RAPGEF4: variants seen among roughly 807,000 people sequenced by gnomAD.
RAPGEF4 encodes the protein RAP guanine-nucleotide-exchange factor (GEF) 4.
A neutral mutation model predicts 147.9 loss-of-function variants in RAPGEF4; 66 were observed. That is an observed-to-expected ratio of 0.45 (90% confidence interval 0.37 to 0.55). RAPGEF4 has a LOEUF of 0.55. RAPGEF4 is among the 20% of genes least tolerant of loss of function. The pLI, the probability that RAPGEF4 is intolerant of heterozygous loss-of-function variation, is 0.00. For synonymous variants in RAPGEF4, 419 were observed against 442.7 expected, an observed-to-expected ratio of 0.95 and a Z score of 0.67; for missense variants, 1,071 against 1,257.3, an observed-to-expected ratio of 0.85 and a Z score of 2.24.
intron 10 of RAPGEF4, among the ~76,000 whole-genome samples, chr2:172,978,987 T>A: frequency 6.6e-6 from 1 of 152,224 alleles, no homozygotes; most frequent in Non-Finnish European, 1.5e-5. Flanking sequence ...CCCGCTGATC[T>A]CAACATAGGT....
At chr2:172,903,103 T>C (rs1357304009) in intron 4 of RAPGEF4, among the ~76,000 whole-genome samples, 2 of 152,090 alleles carry the variant, frequency 1.3e-5, no homozygotes, top group Non-Finnish European at 2.9e-5. Flanking sequence ...GTGCGGTGGC[T>C]CAAGCCTGTA....
chr2:172,930,280 A>G (rs541979600), intron 6 of RAPGEF4, among the ~76,000 whole-genome samples: 2 of 152,342 alleles, frequency 1.3e-5, no homozygotes, highest in South Asian at 2.1e-4. Context: ...CTTCCAAGCC[A>G]TAGGCATTCC....
intron 29 of RAPGEF4, 123 bp downstream of exon 29, chr2:173,036,815 G>A: frequency 1.7e-6 from 1 of 601,010 alleles, no homozygotes; most frequent in Non-Finnish European, 2.8e-6. Context: ...ACATAAAGGA[G>A]TTTTGAAATA....
In RAPGEF4 at chr2:173,027,220, G is replaced by A; in HGVS notation, c.2519G>A (p.Arg840His). 1.2e-6 allele frequency: 2 copies of A among 1,603,506 alleles called. No individual in the cohort carries two copies. The highest frequency in any genetic ancestry group is 1.7e-6 in the Non-Finnish European group (2 of 1,177,386). Reference sequence around the variant, plus strand: ...TGCCTTTGTTCTCAGCTCAGCAAGCGTGTTCAGCTATTAAAAAAATTTATT... The same window carrying A: ...TGCCTTTGTTCTCAGCTCAGCAAGCATGTTCAGCTATTAAAAAAATTTATT... ...EICLCSQLSKRVQLLKKFIKI... is the reference protein window; with the variant it reads ...EICLCSQLSKHVQLLKKFIKI... The change falls in exon 25 of 31, where the codon CGT (arginine) becomes CAT (histidine). Residue 840 changes from arginine to histidine, a missense_variant. By Grantham distance (29) the Arg-to-His change is conservative (BLOSUM62 0). Coordinates refer to ENST00000397081, the MANE Select transcript of RAPGEF4 (RefSeq NM_007023.4).
At chr2:172,824,847 A>T (rs181386442) in intron 4 of RAPGEF4, among the ~76,000 whole-genome samples, 3 of 152,332 alleles carry the variant, frequency 2.0e-5, no homozygotes, top group Admixed American at 2.0e-4. Flanking sequence ...GAATTCTTGG[A>T]TCCCCTAGGA....
intron 3 of RAPGEF4, among the ~76,000 whole-genome samples, chr2:172,814,051 G>T (rs2149603163): frequency 6.6e-6 from 1 of 152,302 alleles, no homozygotes; most frequent in Non-Finnish European, 1.5e-5. Context: ...CAAGTTATCT[G>T]AGTGTCTTGC....
intron 3 of RAPGEF4, among the ~76,000 whole-genome samples, 184 bp downstream of exon 3, chr2:172,797,797 C>G (rs1686534320): frequency 6.6e-6 from 1 of 152,072 alleles, no homozygotes; most frequent in Non-Finnish European, 1.5e-5. Flanking sequence ...GAATGTCTTC[C>G]CTGATTTGAG....
chr2:172,862,369 A>C (rs1694142086), intron 4 of RAPGEF4, among the ~76,000 whole-genome samples: 1 of 152,182 alleles, frequency 6.6e-6, no homozygotes, highest in Non-Finnish European at 1.5e-5. Context: ...TCCTATGACT[A>C]AATAGTACAA....
At chr2:172,993,671 G>A (rs2592942) in intron 15 of RAPGEF4, among the ~76,000 whole-genome samples, 54,366 of 151,896 alleles carry the variant, frequency 0.36, 10,732 homozygotes, top group East Asian at 0.79. Context: ...GTGGACAGTG[G>A]GAAACAAAGC....
intron 12 of RAPGEF4, among the ~76,000 whole-genome samples, chr2:172,987,322 T>TAAAAAAG (rs1299659108): frequency 1.3e-5 from 2 of 152,018 alleles, no homozygotes; most frequent in East Asian, 1.9e-4. Flanking sequence ...AAATAAAAAA[T>TAAAAAAG]AAATTATACA....
intron 4 of RAPGEF4, chr2:172,860,251 A>C: frequency 1.0e-6 from 1 of 985,376 alleles, no homozygotes. Context: ...AAAAACTAGA[A>C]TGTACCCCTA....
chr2:172,953,092 T>C (rs1419238558), intron 6 of RAPGEF4, among the ~76,000 whole-genome samples: 1 of 152,046 alleles, frequency 6.6e-6, no homozygotes, highest in Non-Finnish European at 1.5e-5. Context: ...CAGTCTCTTC[T>C]TACTGTCAGA....
chr2:173,013,154 T>C (rs1695183386), intron 17 of RAPGEF4, among the ~76,000 whole-genome samples: 1 of 152,234 alleles, frequency 6.6e-6, no homozygotes, highest in African/African-American at 2.4e-5. Flanking sequence ...CATGATTATT[T>C]ATAGTCCTTT....
intron 26 of RAPGEF4, among the ~76,000 whole-genome samples, chr2:173,032,025 A>G (rs1045978690): frequency 6.6e-6 from 1 of 152,152 alleles, no homozygotes; most frequent in Non-Finnish European, 1.5e-5. Flanking sequence ...CACGTGTGGA[A>G]CAGCCACGGA....
chr2:173,002,557 C>G (rs1694034340), intron 17 of RAPGEF4, among the ~76,000 whole-genome samples: 1 of 151,732 alleles, frequency 6.6e-6, no homozygotes, highest in African/African-American at 2.4e-5. Context: ...AATTTAGACC[C>G]CAAATCACTT....
At chr2:172,793,536 C>G (rs981149062) in intron 1 of RAPGEF4, among the ~76,000 whole-genome samples, 12 of 152,196 alleles carry the variant, frequency 7.9e-5, no homozygotes, top group African/African-American at 2.7e-4. Flanking sequence ...CATTACTTGT[C>G]TCTGTCACAT....
At chr2:172,739,453 C>A (rs1694113578) in intron 1 of RAPGEF4, among the ~76,000 whole-genome samples, 1 of 151,922 alleles carries the variant, frequency 6.6e-6, no homozygotes, top group Non-Finnish European at 1.5e-5. Flanking sequence ...CTCACTGCAA[C>A]CTCCCCCTCC....
intron 4 of RAPGEF4, among the ~76,000 whole-genome samples, chr2:172,821,327 C>T (rs1468938547): frequency 1.3e-5 from 2 of 152,172 alleles, no homozygotes; most frequent in Admixed American, 6.5e-5. Flanking sequence ...GCACGGGGAC[C>T]GAGACCCATA....
At chr2:172,893,129 G>A (rs1250510337) in intron 4 of RAPGEF4, among the ~76,000 whole-genome samples, 1 of 152,214 alleles carries the variant, frequency 6.6e-6, no homozygotes, top group Non-Finnish European at 1.5e-5. Context: ...AAAGAGAAAC[G>A]ATGCTAGAAA....
Sources: gnomAD v4.1 joint callset for allele counts (sites outside exome capture counted in the v4.1 genomes callset) on GRCh38, gnomAD v4.1.1 for gene constraint, MANE v1.5 for transcripts, NCBI Gene and HGNC (gene_info 2026-07-23, HGNC 2026-07-21) for gene names.